The following ADAMTS16 variants were observed in gnomAD, a reference collection of about 807,000 sequenced individuals.
The protein encoded by ADAMTS16 is A disintegrin and metalloproteinase with thrombospondin motifs 16.
Under a neutral mutation model 145.8 loss-of-function variants are expected in ADAMTS16, and 94 were observed. The ratio of observed to expected loss-of-function variants is 0.64; its 90% CI spans 0.55 to 0.77. The LOEUF (loss-of-function observed/expected upper bound fraction) is 0.77. Ranked by LOEUF, ADAMTS16 falls within the 30% of genes least tolerant of loss-of-function variation. The probability of loss-of-function intolerance (pLI) is 0.00; values close to 1 mark genes in which losing one functional copy is unlikely to be tolerated. For synonymous variants in ADAMTS16, 659 were observed against 604.3 expected (o/e 1.09, Z -1.33); for missense variants, 1,585 against 1,591.5 (o/e 1.00, Z 0.07).
chr5:5,189,729 C>T (rs1461137157), intron 6 of ADAMTS16, among the ~76,000 whole-genome samples: 2 of 152,162 alleles, frequency 1.3e-5, no homozygotes, highest in East Asian at 3.9e-4. Flanking sequence ...AACATGCATT[C>T]AGGATCAGCC....
intron 17 of ADAMTS16, among the ~76,000 whole-genome samples, chr5:5,243,941 A>G (rs1560965816): frequency 6.6e-6 from 1 of 152,166 alleles, no homozygotes; most frequent in Non-Finnish European, 1.5e-5. Context: ...TCAACCCAAA[A>G]TCCATTCCCA....
At chr5:5,200,087 G>GT (rs1735914566) in intron 8 of ADAMTS16, 45 bp from the exon 9 acceptor site, 1 of 1,538,152 alleles carries the variant, frequency 6.5e-7, no homozygotes, top group Non-Finnish European at 8.8e-7. Flanking sequence ...AATTTAAACT[G>GT]TTTTTGTTCT....
At chr5:5,263,069 G>A (rs2913658) in intron 18 of ADAMTS16, among the ~76,000 whole-genome samples, 42,359 of 152,116 alleles carry the variant, frequency 0.28, 6,008 homozygotes, top group Middle Eastern at 0.37. Context: ...GTGATAACAC[G>A]CTATGGTGAT....
chr5:5,256,239 C>T (rs905632033), intron 17 of ADAMTS16, among the ~76,000 whole-genome samples: 7 of 152,120 alleles, frequency 4.6e-5, no homozygotes, highest in Non-Finnish European at 5.9e-5. Flanking sequence ...ATTGGGAGAG[C>T]GATGCTACTG....
chr5:5,206,783 A>T (rs1402094917), intron 9 of ADAMTS16, among the ~76,000 whole-genome samples: 1 of 152,114 alleles, frequency 6.6e-6, no homozygotes, highest in Non-Finnish European at 1.5e-5. Context: ...CGCCCGGCAG[A>T]TTAATTTTTT....
At chr5:5,263,175 G>T (rs975202751) in intron 18 of ADAMTS16, among the ~76,000 whole-genome samples, 2 of 152,168 alleles carry the variant, frequency 1.3e-5, no homozygotes, top group South Asian at 2.1e-4. Context: ...CTGCCAGTGG[G>T]GAAGGAACCC....
chr5:5,304,109 G>T (rs1488525121), intron 20 of ADAMTS16, among the ~76,000 whole-genome samples: 4 of 152,196 alleles, frequency 2.6e-5, no homozygotes, highest in Non-Finnish European at 5.9e-5. Context: ...TCCTGGGCAG[G>T]TGTAGCCACA....
At chr5:5,160,503 G>A (rs1346918154) in intron 3 of ADAMTS16, among the ~76,000 whole-genome samples, 1 of 152,070 alleles carries the variant, frequency 6.6e-6, no homozygotes, top group Admixed American at 6.6e-5. Context: ...TGAAGAACCA[G>A]AGCTACTTCG....
intron 8 of ADAMTS16, among the ~76,000 whole-genome samples, chr5:5,192,873 C>T (rs1560942654): frequency 6.6e-6 from 1 of 152,238 alleles, no homozygotes. Flanking sequence ...CCTGCCCAAG[C>T]AGCTGGGGAC....
At chr5:5,189,486 A>G (rs1322282816) in intron 6 of ADAMTS16, among the ~76,000 whole-genome samples, 1 of 152,234 alleles carries the variant, frequency 6.6e-6, no homozygotes, top group Non-Finnish European at 1.5e-5. Flanking sequence ...TGTAGAAAAG[A>G]TATTTAATTT....
intron 20 of ADAMTS16, among the ~76,000 whole-genome samples, chr5:5,304,133 G>A (rs1739919890): frequency 6.6e-6 from 1 of 152,168 alleles, no homozygotes; most frequent in African/African-American, 2.4e-5. Context: ...CAGGAAATGC[G>A]CGGCTCCTGA....
At chr5:5,248,618 G>T (rs572560510) in intron 17 of ADAMTS16, among the ~76,000 whole-genome samples, 3 of 152,182 alleles carry the variant, frequency 2.0e-5, no homozygotes, top group South Asian at 4.1e-4. Context: ...CTTCATGGAC[G>T]TGCCATTAGT....
chr5:5,210,340 C>T (rs147178046), intron 10 of ADAMTS16, among the ~76,000 whole-genome samples: 4 of 152,160 alleles, frequency 2.6e-5, no homozygotes, highest in East Asian at 1.9e-4. Context: ...TCATGGTGCC[C>T]TGTTGTCATT....
intron 18 of ADAMTS16, among the ~76,000 whole-genome samples, chr5:5,283,511 A>T (rs1738998968): frequency 6.6e-6 from 1 of 151,858 alleles, no homozygotes; most frequent in Non-Finnish European, 1.5e-5. Flanking sequence ...TGTCACCTCA[A>T]GCTCTGTGTC....
At chr5:5,251,071 C>G (rs1271338424) in intron 17 of ADAMTS16, among the ~76,000 whole-genome samples, 1 of 152,150 alleles carries the variant, frequency 6.6e-6, no homozygotes, top group East Asian at 1.9e-4. Flanking sequence ...GACAGGATAT[C>G]CACCTTCATG....
intron 3 of ADAMTS16, among the ~76,000 whole-genome samples, chr5:5,150,594 A>C (rs1481985205): frequency 2.0e-5 from 3 of 152,216 alleles, no homozygotes; most frequent in Non-Finnish European, 4.4e-5. Flanking sequence ...CAAGTTCTAC[A>C]CTTCAGTCAT....
Position 5,190,015 on chromosome 5 carries a change from C to T in ADAMTS16, c.1092C>T (p.Ser364=), listed in dbSNP as rs774744781. ...ACCACGCAGACCACACCTTAAGTAG[C>T]TTCTGCCAGTGGCAGTCTGGATTGA... ...ISHHADHTLS[S]FCQWQSGLMG... is the part of the protein sequence containing the mutation. The change falls in exon 7 of 23, where the codon AGC becomes AGT. Residue 364 remains serine, a synonymous_variant. Coordinates refer to ENST00000274181, the MANE Select transcript of ADAMTS16 (RefSeq NM_139056.4). 3 of 1,612,640 alleles carry T rather than the reference C, an allele frequency of 1.9e-6. No individual in the cohort carries two copies. Among genetic ancestry groups the T allele is most frequent in the Non-Finnish European group, 2.5e-6 (3 of 1,179,460 alleles).
chr5:5,206,254 G>A (rs1364389196), intron 9 of ADAMTS16, among the ~76,000 whole-genome samples: 2 of 147,140 alleles, frequency 1.4e-5, no homozygotes, highest in Non-Finnish European at 3.0e-5. Context: ...GTGAAACCCC[G>A]TCTCTACTAA....
intron 8 of ADAMTS16, among the ~76,000 whole-genome samples, chr5:5,199,445 C>T (rs1721817470): frequency 6.6e-6 from 1 of 152,152 alleles, no homozygotes; most frequent in African/African-American, 2.4e-5. Context: ...CCCATAAATA[C>T]ATGAAGCCAT....
Sources: allele counts gnomAD v4.1 joint callset (sites outside exome capture counted in the v4.1 genomes callset), GRCh38; gene constraint gnomAD v4.1.1; transcripts MANE v1.5; gene names NCBI Gene and HGNC (gene_info 2026-07-23, HGNC 2026-07-21).